Variants in ATG2B observed in about 807,000 individuals in gnomAD.
ATG2B encodes autophagy related 2B, also known as autophagy-related protein 2 homolog B.
In ATG2B, 121 loss-of-function variants were observed where a neutral mutation model predicts 241.3. The ratio of observed to expected loss-of-function variants is 0.50; its 90% CI spans 0.43 to 0.58. ATG2B has a LOEUF of 0.58. ATG2B is among the 20% of genes least tolerant of loss of function. ATG2B has a pLI of 0.00. For missense variants in ATG2B, 2,306 were observed against 2,491.6 expected (o/e 0.93, Z 1.59); for synonymous variants, 858 against 876.6 (o/e 0.98, Z 0.37).
intron 20 of ATG2B, 62 bp from the exon 21 acceptor site, chr14:96,316,745 C>A: frequency 7.1e-7 from 1 of 1,409,090 alleles, no homozygotes; most frequent in Non-Finnish European, 9.8e-7. Flanking sequence ...TAAGCATGTT[C>A]CTTGAGATGC....
chr14:96,293,246 C>T (rs1437807267), intron 36 of ATG2B: 1 of 152,158 alleles, frequency 6.6e-6, no homozygotes, highest in East Asian at 1.9e-4. Context: ...ATATTTACAC[C>T]AATCACTACC....
At chr14:96,307,650 G>A (rs1177444308) in intron 29 of ATG2B, among the ~76,000 whole-genome samples, 2 of 151,844 alleles carry the variant, frequency 1.3e-5, no homozygotes, top group African/African-American at 4.8e-5. Flanking sequence ...GGGGAAACTG[G>A]TTACATTTAG....
Position 96,358,928 on chromosome 14 carries a change from G to A in ATG2B, c.162+3887C>T, listed in dbSNP as rs148882315. Among the ~76,000 whole-genome samples the A allele has an allele frequency of 5.4e-3, 824 of 152,150 alleles. 27 individuals carry two copies. In the South Asian group the frequency reaches 0.067, roughly 12 times the overall value. On this transcript the variant is annotated intron_variant, in intron 1 of 41. Transcript: ENST00000359933. ...TTCAATTATCATCAATGAGTTTCAC[G>A]CATATAAACAGAAAAAGTGAAGGTA...
intron 29 of ATG2B, among the ~76,000 whole-genome samples, chr14:96,308,113 T>C (rs896147712): frequency 4.0e-5 from 6 of 148,798 alleles, no homozygotes; most frequent in Middle Eastern, 3.5e-3. Context: ...CTAAATATTC[T>C]TTCCCATGTA....
chr14:96,315,484 C>T lies in ATG2B; in HGVS notation c.3461G>A (p.Gly1154Asp). The T allele has an allele frequency of 6.2e-7, 1 of 1,614,014 alleles. No homozygotes were observed. The highest frequency in any genetic ancestry group is 8.5e-7 in the Non-Finnish European group (1 of 1,179,884). ...TCCATCTGAAGAAGTTTTACTGAGG[C>T]CATCTTCTTCAGAGGAATAAATAGT... ...EPTIYSSEED[G>D]LSKTSSDGVG... The change falls in exon 22 of 42, where the codon GGC (glycine) becomes GAC (aspartate). Residue 1154 changes from glycine (G) to aspartate (D), a missense_variant. Around this residue, in one of 2 missense-constraint regions of ATG2B, gnomAD observed 1,927 missense variants for 2,011.2 expected, o/e 0.96. Transcript: ENST00000359933.
rs953224520 is a variant in ATG2B, at chr14:96,292,084, G to A, written c.5441C>T (p.Thr1814Met). The stretch of plus-strand genomic sequence containing the variant: ...ATCAAGTCGAATGGGAACTTCTGAC[G>A]TGAATCTAAATTCTCTGAAGATAAA... ...QPVFFREFRF[T>M]SEVPIRLDYH... Residue 1814 changes from threonine to methionine, a missense_variant, in exon 37 of 42, where the codon ACG (threonine) becomes ATG (methionine). Thr to Met is a moderately conservative substitution (Grantham distance 81). Coordinates refer to ENST00000359933, the MANE Select transcript of ATG2B (RefSeq NM_018036.7). The A allele has an allele frequency of 4.4e-6, 7 of 1,590,506 alleles. No homozygotes were observed. Among genetic ancestry groups the A allele is most frequent in the Admixed American group, 1.7e-5 (1 of 57,404 alleles).
chr14:96,325,752 C>A lies in ATG2B; in HGVS notation c.2334G>T (p.Glu778Asp). 1 of 1,613,942 alleles carries A rather than the reference C, an allele frequency of 6.2e-7. No homozygotes were observed. Among genetic ancestry groups the A allele is most frequent in the Non-Finnish European group, 8.5e-7 (1 of 1,179,960 alleles). The change falls in exon 15 of 42, where the codon GAG (glutamate) becomes GAT (aspartate). Residue 778 changes from glutamate to aspartate, a missense_variant. Physicochemically the swap from Glu to Asp is conservative, Grantham distance 45. Coordinates refer to ENST00000359933, the MANE Select transcript of ATG2B (RefSeq NM_018036.7). ...GPWFKKSLQK[E>D]ILYLAFTDLE... ...GATCTGTGAAGGCTAAATAAAGGAT[C>A]TCCTTCTGAAGTGACTTCTTAAACC...
intron 11 of ATG2B, among the ~76,000 whole-genome samples, chr14:96,330,214 T>G (rs958138272): frequency 6.7e-6 from 1 of 149,238 alleles, no homozygotes; most frequent in African/African-American, 2.5e-5. Flanking sequence ...AAAAGGGGGG[T>G]GGAAGAAAAC....
Position 96,291,669 on chromosome 14 carries a change from C to T in ATG2B, c.5510G>A (p.Gly1837Glu), listed in dbSNP as rs1368257610. 6.2e-7 allele frequency: 1 copy of T among 1,606,076 alleles called. No homozygotes were observed. ...TAACTGAGCCAGACCAATCAAAATCCCAGCTAGCGTACCCTTCAAAATTAA... is the reference window on the plus strand; with the variant it reads ...TAACTGAGCCAGACCAATCAAAATCTCAGCTAGCGTACCCTTCAAAATTAA... The part of the protein sequence containing the change: ...HVSMDQGTLA[G>E]ILIGLAQLNC... The change falls in exon 38 of 42, where the codon GGG (glycine) becomes GAG (glutamate). Residue 1837 changes from glycine (G) to glutamate (E), a missense_variant. Physicochemically the swap from Gly to Glu is moderately conservative, Grantham distance 98. Around this residue, in one of 2 missense-constraint regions of ATG2B, gnomAD observed 379 missense variants for 480.4 expected, o/e 0.79. Transcript: ENST00000359933.
intron 2 of ATG2B, among the ~76,000 whole-genome samples, 155 bp downstream of exon 2, chr14:96,347,024 A>C (rs1023170357): frequency 2.0e-5 from 3 of 152,260 alleles, no homozygotes; most frequent in African/African-American, 7.2e-5. Flanking sequence ...TAAATTTGTA[A>C]ACATGCACAT....
At chr14:96,315,981 C>G (rs1370850641) in intron 21 of ATG2B, among the ~76,000 whole-genome samples, 2 of 152,128 alleles carry the variant, frequency 1.3e-5, no homozygotes, top group African/African-American at 2.4e-5. Context: ...AAGATGTGAT[C>G]TATCTTTACA....
intron 20 of ATG2B, 120 bp from the exon 21 acceptor site, chr14:96,316,803 G>A (rs958042380): frequency 1.3e-6 from 1 of 795,300 alleles, no homozygotes; most frequent in Non-Finnish European, 2.0e-6. Flanking sequence ...CAGCAAAGCA[G>A]TCTAATCCTT....
At position 96,315,533 on chromosome 14, in the gene ATG2B, T is replaced by A. The variant is rs1383497404; in HGVS notation, c.3412A>T (p.Thr1138Ser). The change falls in exon 22 of 42, where the codon ACC becomes TCC. Residue 1138 changes from threonine (T) to serine (S), a missense_variant. Thr to Ser is a moderately conservative substitution (Grantham distance 58). This residue lies in a region of ATG2B where 1,927 missense variants were observed against 2,011.2 expected (regional missense o/e 0.96). Coordinates refer to ENST00000359933, the MANE Select transcript of ATG2B (RefSeq NM_018036.7). ...LPTETRLPSS[T>S]RPHWLEPTIY... ...GTAGGTTCCAACCAGTGTGGGCGGGTTGAGCTGGGAAGTCGTGTTTCTGTC... is the reference window on the plus strand; with the variant it reads ...GTAGGTTCCAACCAGTGTGGGCGGGATGAGCTGGGAAGTCGTGTTTCTGTC... 3 of 1,614,014 alleles carry A rather than the reference T, an allele frequency of 1.9e-6. No homozygotes were observed. Among genetic ancestry groups the A allele is most frequent in the Non-Finnish European group, 1.7e-6 (2 of 1,180,032 alleles).
chr14:96,303,141 G>C lies in ATG2B; in HGVS notation c.4957C>G (p.Arg1653Gly). 6.2e-7 allele frequency: 1 copy of C among 1,613,102 alleles called. No homozygotes were observed. The highest frequency in any genetic ancestry group is 8.5e-7 in the Non-Finnish European group (1 of 1,179,620). ...FIVQDLEIRD[R>G]LATSQMNKFL... ...TTATTCATTTGTGATGTTGCCAAAC[G>C]ATCTCGAATCTCAAGATCCTGAACA... Residue 1653 changes from arginine to glycine, a missense_variant, in exon 33 of 42, where the codon CGT becomes GGT. By Grantham distance (125) the Arg-to-Gly change is moderately radical. Coordinates refer to ENST00000359933, the MANE Select transcript of ATG2B (RefSeq NM_018036.7).
chr14:96,285,917 A>G lies in ATG2B; in HGVS notation c.6075T>C (p.Thr2025=). 6.2e-7 allele frequency: 1 copy of G among 1,614,044 alleles called. No homozygotes were observed. Among genetic ancestry groups the G allele is most frequent in the Non-Finnish European group, 8.5e-7 (1 of 1,180,024 alleles). Residue 2025 remains threonine, a synonymous_variant, in exon 42 of 42, where the codon ACT becomes ACC. Coordinates refer to ENST00000359933, the MANE Select transcript of ATG2B (RefSeq NM_018036.7). This position sits in a 1 kb window ranked among gnomAD's most constrained non-coding sequence, Gnocchi z 4.2. ...GGCGCAGAACCTCGCCCACGGCACC[A>G]GTCACCCCTCTGCTCTCGTGTTCTC... ...AAREHESRGV[T]GAVGEVLRQI...
intron 36 of ATG2B, among the ~76,000 whole-genome samples, chr14:96,294,264 T>C (rs1434011363): frequency 1.3e-5 from 2 of 152,148 alleles, no homozygotes; most frequent in South Asian, 2.1e-4. Flanking sequence ...TCAGGGAAGA[T>C]GTAACTGCTC....
At chr14:96,327,609 T>C (rs1257326037) in intron 14 of ATG2B, among the ~76,000 whole-genome samples, 3 of 152,172 alleles carry the variant, frequency 2.0e-5, no homozygotes, top group Admixed American at 6.6e-5. Context: ...TCACAGCTTA[T>C]AAAAACTCTG....
intron 35 of ATG2B, 32 bp downstream of exon 35, chr14:96,295,450 G>A: frequency 7.1e-7 from 1 of 1,412,918 alleles, no homozygotes; most frequent in Non-Finnish European, 9.7e-7. Flanking sequence ...CAAGTACTTG[G>A]TATAGTCTTT....
At chr14:96,291,761 G>C in intron 37 of ATG2B, 79 bp from the exon 38 acceptor site, 1 of 1,046,136 alleles carries the variant, frequency 9.6e-7, no homozygotes, top group South Asian at 1.4e-5. Flanking sequence ...TATTTTGAAA[G>C]TCAAAGCAGT....
Sources: allele counts gnomAD v4.1 joint callset (sites outside exome capture counted in the v4.1 genomes callset), GRCh38; gene constraint gnomAD v4.1.1; regional missense constraint gnomAD v4.1.1; non-coding constraint Gnocchi (gnomAD v3.1); transcripts MANE v1.5; gene names NCBI Gene and HGNC (gene_info 2026-07-23, HGNC 2026-07-21).